USP34: variants seen among roughly 807,000 people sequenced by gnomAD.
The protein encoded by USP34 is ubiquitin carboxyl-terminal hydrolase 34.
A neutral mutation model predicts 460.3 loss-of-function variants in USP34; 70 were observed. That is an observed-to-expected ratio of 0.15 (90% CI 0.13 to 0.19). USP34 has a LOEUF of 0.19. Ranked by LOEUF, USP34 falls within the 10% of genes least tolerant of loss-of-function variation. USP34 has a pLI of 1.00. For missense variants in USP34, 3,985 were observed against 4,236.2 expected (o/e 0.94, Z 1.65); for synonymous variants, 1,647 against 1,405.3 (o/e 1.17, Z -3.85).
intron 27 of USP34, among the ~76,000 whole-genome samples, chr2:61,303,943 G>A (rs1446882112): frequency 6.6e-6 from 1 of 152,122 alleles, no homozygotes; most frequent in Non-Finnish European, 1.5e-5. Context: ...TGTCGCCCAG[G>A]CTGGAGTGCA....
At chr2:61,336,119 TTGTGTGTGTG>T (rs745658418) in intron 18 of USP34, among the ~76,000 whole-genome samples, 1 of 149,998 alleles carries the variant, frequency 6.7e-6, no homozygotes, top group Non-Finnish European at 1.5e-5. Flanking sequence ...GCAAAACAAA[TTGTGTGTGTG>T]TGTGTGTGTC....
At chr2:61,405,444 A>T (rs1693843356) in intron 3 of USP34, among the ~76,000 whole-genome samples, 1 of 152,178 alleles carries the variant, frequency 6.6e-6, no homozygotes, top group South Asian at 2.1e-4. Flanking sequence ...AAATAAGCAT[A>T]GATCTATAGC....
In USP34 at chr2:61,339,377, A is replaced by G. The variant is rs201386328; in HGVS notation, c.2718T>C (p.Gly906=). Residue 906 remains glycine (G), a synonymous_variant, in exon 18 of 80, where the codon GGT becomes GGC. Coordinates refer to ENST00000398571, the MANE Select transcript of USP34 (RefSeq NM_014709.4). ...TGTTGTTTCCCAAGTTTTCAAGGCAACCTTCAATGAATCTCATTCGAATTT... is the reference window on the plus strand; with the variant it reads ...TGTTGTTTCCCAAGTTTTCAAGGCAGCCTTCAATGAATCTCATTCGAATTT... ...DRQIRMRFIE[G]CLENLGNNRS... 118 of 1,608,838 alleles carry G rather than the reference A, an allele frequency of 7.3e-5. No homozygotes were observed. In the African/African-American group the frequency reaches 1.4e-3, roughly 19 times the overall value.
chr2:61,443,593 G>C (rs1048840773), intron 1 of USP34, among the ~76,000 whole-genome samples: 1 of 152,000 alleles, frequency 6.6e-6, no homozygotes, highest in African/African-American at 2.4e-5. Flanking sequence ...CATACTGTAT[G>C]ATTTCAACTA....
chr2:61,332,160 T>C (rs927367746), intron 19 of USP34, among the ~76,000 whole-genome samples: 2 of 152,084 alleles, frequency 1.3e-5, no homozygotes, highest in African/African-American at 2.4e-5. Context: ...AGCTGTCTTG[T>C]GGAAGTCTGT....
chr2:61,404,200 T>G (rs1423927968), intron 3 of USP34, among the ~76,000 whole-genome samples: 2 of 151,912 alleles, frequency 1.3e-5, no homozygotes, highest in African/African-American at 4.8e-5. Context: ...AAAGGACTAT[T>G]ATTTCCCAGA....
intron 1 of USP34, among the ~76,000 whole-genome samples, chr2:61,425,796 C>T (rs1464675070): frequency 6.6e-6 from 1 of 151,994 alleles, no homozygotes; most frequent in African/African-American, 2.4e-5. Context: ...AGACACCAGG[C>T]GGGGCAGCCA....
intron 1 of USP34, among the ~76,000 whole-genome samples, chr2:61,431,774 A>C (rs1694682595): frequency 6.6e-6 from 1 of 152,110 alleles, no homozygotes; most frequent in East Asian, 1.9e-4. Context: ...GAATCACTTG[A>C]ACCCGGGAGG....
Position 61,227,100 on chromosome 2 carries a change from A to G in USP34, c.7562T>C (p.Val2521Ala), listed in dbSNP as rs1368596629. Residue 2521 changes from valine (V) to alanine (A), a missense_variant, in exon 62 of 80, where the codon GTT becomes GCT. By Grantham distance (64) the Val-to-Ala change is moderately conservative (BLOSUM62 0). Transcript: ENST00000398571. ...PAALEKMIAL[V>A]ALLVEQSRSE... ...TCGAGACTGTTCAACCAAAAGAGCA[A>G]CTAAAGCTATCATCTTTTCAAGGGC... 2 of 1,613,350 alleles carry G rather than the reference A, an allele frequency of 1.2e-6. No individual in the cohort carries two copies. Among genetic ancestry groups the G allele is most frequent in the Admixed American group, 1.7e-5 (1 of 59,764 alleles).
chr2:61,296,580 T>C (rs1052756141), intron 30 of USP34, among the ~76,000 whole-genome samples: 1 of 152,230 alleles, frequency 6.6e-6, no homozygotes, highest in Non-Finnish European at 1.5e-5. Flanking sequence ...GAAAACATCT[T>C]CATCTTACAT....
In USP34 at chr2:61,259,742, A is replaced by G. The variant is rs1688821684; in HGVS notation, c.5813T>C (p.Leu1938Pro). Reference sequence around the variant, plus strand: ...ATATGTAAACATTTTCTGAAGCTCCAGAAGAGTGGTCTTGTGCTTCATATC... The same window carrying G: ...ATATGTAAACATTTTCTGAAGCTCCGGAAGAGTGGTCTTGTGCTTCATATC... ...SEDMKHKTTL[L>P]ELQKMFTYLM... The change falls in exon 44 of 80, where the codon CTG (leucine) becomes CCG (proline). Residue 1938 changes from leucine to proline, a missense_variant. Leu to Pro is a moderately conservative substitution (Grantham distance 98, BLOSUM62 -3). Coordinates refer to ENST00000398571, the MANE Select transcript of USP34 (RefSeq NM_014709.4). 2 of 1,613,514 alleles carry G rather than the reference A, an allele frequency of 1.2e-6. No individual in the cohort carries two copies. The highest frequency in any genetic ancestry group is 1.7e-6 in the Non-Finnish European group (2 of 1,179,954).
At chr2:61,378,172 CA>C (rs955880080) in intron 8 of USP34, among the ~76,000 whole-genome samples, 190 bp downstream of exon 8, 1 of 151,018 alleles carries the variant, frequency 6.6e-6, no homozygotes, top group Non-Finnish European at 1.5e-5. Context: ...GACCCTGTCT[CA>C]AAAAAAAGAG....
intron 25 of USP34, among the ~76,000 whole-genome samples, chr2:61,312,453 C>T (rs969522394): frequency 6.7e-6 from 1 of 150,116 alleles, no homozygotes; most frequent in South Asian, 2.1e-4. Flanking sequence ...AATCACTAAA[C>T]ACGTGTCAAT....
At chr2:61,346,527 T>TAA (rs926076478) in intron 15 of USP34, among the ~76,000 whole-genome samples, 44 of 44,270 alleles carry the variant, frequency 9.9e-4, no homozygotes, top group African/African-American at 1.3e-3. Context: ...CCCTATCTCT[T>TAA]AAAAAAAAAA....
chr2:61,300,942 C>A lies in USP34; in HGVS notation c.4128+9G>T. ...CAAAACAAGATTTGTGAAAATGAAA[C>A]ATAGTCACCTCACTATCATCCACTG... On this transcript the variant is annotated intron_variant, in intron 29 of 79. Coordinates refer to ENST00000398571, the MANE Select transcript of USP34 (RefSeq NM_014709.4). 1.3e-6 allele frequency: 2 copies of A among 1,580,358 alleles called. No homozygotes were observed. Among genetic ancestry groups the A allele is most frequent in the African/African-American group, 1.4e-5 (1 of 73,488 alleles).
chr2:61,414,408 A>G (rs949315695), intron 2 of USP34, among the ~76,000 whole-genome samples: 1 of 152,242 alleles, frequency 6.6e-6, no homozygotes. Context: ...TCTGTATCCA[A>G]TAAGATCTAT....
Position 61,188,948 on chromosome 2 carries a change from G to A in USP34, c.9995C>T (p.Ser3332Leu). The change falls in exon 79 of 80, where the codon TCA becomes TTA. Residue 3332 changes from serine (S) to leucine (L), a missense_variant. Ser to Leu is a moderately radical substitution (Grantham distance 145). Coordinates refer to ENST00000398571, the MANE Select transcript of USP34 (RefSeq NM_014709.4). ...TTCTTTGGCTTCTTGCTCTTGGAGT[G>A]AGTTTCTCTGTTGCAGACAAGTCCT... ...KCRTCLQQRN[S>L]LQEQEAKERK... 1.2e-6 allele frequency: 2 copies of A among 1,614,206 alleles called. No homozygotes were observed. The highest frequency in any genetic ancestry group is 1.7e-6 in the Non-Finnish European group (2 of 1,180,034).
intron 21 of USP34, among the ~76,000 whole-genome samples, chr2:61,320,070 T>C (rs1207753517): frequency 6.6e-6 from 1 of 152,186 alleles, no homozygotes; most frequent in Non-Finnish European, 1.5e-5. Context: ...ACCAGACAGT[T>C]TAAACACAAA....
intron 67 of USP34, among the ~76,000 whole-genome samples, chr2:61,219,374 T>C (rs1046226158): frequency 1.1e-4 from 17 of 152,196 alleles, no homozygotes; most frequent in Non-Finnish European, 2.1e-4. Flanking sequence ...AATGGTGTTC[T>C]GAATCCAACA....
Sources: gnomAD v4.1 joint callset for allele counts (sites outside exome capture counted in the v4.1 genomes callset) on GRCh38, gnomAD v4.1.1 for gene constraint, MANE v1.5 for transcripts, NCBI Gene and HGNC (gene_info 2026-07-23, HGNC 2026-07-21) for gene names.